Variants in NLGN3 observed in about 807,000 individuals in gnomAD.
NLGN3 encodes neuroligin 3, also known as neuroligin-3.
NLGN3 carries 11 observed loss-of-function variants against 42.9 expected under a neutral mutation model. That is an observed-to-expected ratio of 0.26 (90% CI 0.16 to 0.42). The LOEUF is 0.42. Ranked by LOEUF, NLGN3 falls within the 10% of genes least tolerant of loss-of-function variation. The probability of loss-of-function intolerance (pLI) is 1.00; values close to 1 mark genes in which losing one functional copy is unlikely to be tolerated. For missense variants in NLGN3, 374 were observed against 733.8 expected (o/e 0.51, Z 5.67); for synonymous variants, 279 against 312.7 (o/e 0.89, Z 1.14).
chrX:71,168,812 G>GAA (rs1436567439), intron 7 of NLGN3, among the ~76,000 whole-genome samples: 3 of 28,884 alleles, frequency 1.0e-4, no homozygotes, highest in African/African-American at 8.4e-4. Context: ...AAGAAAGAAA[G>GAA]AGAAAAAAAA....
At chrX:71,150,701 C>CAAAAAAAAAAAAAA (rs1174331159) in intron 3 of NLGN3, among the ~76,000 whole-genome samples, 2 of 29,145 alleles carry the variant, frequency 6.9e-5, no homozygotes, top group Non-Finnish European at 1.3e-4. Flanking sequence ...GACTCCATCT[C>CAAAAAAAAAAAAAA]AAAAAAAAAA....
rs2092470173 is a variant in NLGN3, at chrX:71,171,083, T to G, written c.*986T>G. 2 of 753,473 alleles carry G rather than the reference T, an allele frequency of 2.7e-6. No homozygotes were observed. Among genetic ancestry groups the G allele is most frequent in the Non-Finnish European group, 3.1e-6 (2 of 638,793 alleles). 62.1% of individuals were successfully genotyped at this position (753,473 alleles called of 1,213,427 possible). Reference sequence around the variant, plus strand: ...GTGTTTTTTGTTGTTGTTGGTTTTTTTTTTTTTTTAAAGAAAAGTTCTTAA... The same window carrying G: ...GTGTTTTTTGTTGTTGTTGGTTTTTGTTTTTTTTTAAAGAAAAGTTCTTAA... On this transcript the variant is annotated 3_prime_UTR_variant, in exon 8 of 8. Transcript: ENST00000358741.
At position 71,168,853 on chromosome X, in the gene NLGN3, GAAAGAAAGAAAGAAAGAGAAAGA is replaced by G. The variant is rs1342533875; in HGVS notation, c.1704-391_1704-369del. ...AGAAAGAAAGAAAGAAAGAAAGAAAGAAAGAAAGAAAGAAAGAGAAAGAAAAGAAAGAGAAAGAAAGAAAGAAA... is the reference window on the plus strand; with the variant it reads ...AGAAAGAAAGAAAGAAAGAAAGAAAGAAAGAAAGAGAAAGAAAGAAAGAAA... On this transcript the variant is annotated intron_variant, in intron 7 of 7. Transcript: ENST00000358741. 5.5e-4 allele frequency among the ~76,000 whole-genome samples: 47 copies of G among 85,100 alleles called. 1 individual carries two copies. Among genetic ancestry groups the G allele is most frequent in the African/African-American group, 3.0e-3 (47 of 15,718 alleles). The allele number at this position is 85,100 out of a possible 115,157, so 73.9% of individuals were successfully genotyped here. A position where few individuals can be genotyped will look rare whatever the true frequency, so the allele number is the denominator to read the frequency against.
intron 4 of NLGN3, among the ~76,000 whole-genome samples, 198 bp from the exon 5 acceptor site, chrX:71,155,016 A>G (rs931417947): frequency 1.8e-5 from 2 of 112,498 alleles, no homozygotes; most frequent in Non-Finnish European, 3.8e-5. Context: ...AGCCTTTAAA[A>G]ATATCACTGA....
downstream of NLGN3, chrX:71,171,594 G>A (rs2092471460): frequency 8.3e-6 from 5 of 605,273 alleles, no homozygotes; most frequent in Non-Finnish European, 9.9e-6. Flanking sequence ...CCTTGGACTG[G>A]GGGCTGGGAG....
chrX:71,155,511 C>G, intron 5 of NLGN3, 148 bp downstream of exon 5: 1 of 741,905 alleles, frequency 1.3e-6, no homozygotes, highest in Middle Eastern at 4.2e-4. Context: ...TGGCCCCTAC[C>G]CAAATGCTAG....
intron 3 of NLGN3, among the ~76,000 whole-genome samples, chrX:71,151,276 TCCAGCC>T (rs1199976866): frequency 1.9e-5 from 2 of 107,453 alleles, no homozygotes; most frequent in Non-Finnish European, 3.8e-5. Flanking sequence ...GCCATCGCAC[TCCAGCC>T]TGGGCAACAA....
chrX:71,169,955 A>G lies in NLGN3; in HGVS notation c.2405A>G (p.Asp802Gly). The G allele has an allele frequency of 8.3e-7, 1 of 1,207,415 alleles. No individual in the cohort carries two copies. Among genetic ancestry groups the G allele is most frequent in the Non-Finnish European group, 1.1e-6 (1 of 893,460 alleles). The change falls in exon 8 of 8, where the codon GAC (aspartate) becomes GGC (glycine). Residue 802 changes from aspartate to glycine, a missense_variant. Around this residue, in one of 6 missense-constraint regions of NLGN3, gnomAD observed 92 missense variants for 108.0 expected, o/e 0.85. Coordinates refer to ENST00000358741, the MANE Select transcript of NLGN3 (RefSeq NM_181303.2). ...CTGACCCTGCGGCGCTCCCCGGATGACATCCCACTCATGACCCCCAACACC... is the reference window on the plus strand; with the variant it reads ...CTGACCCTGCGGCGCTCCCCGGATGGCATCCCACTCATGACCCCCAACACC... Reference protein sequence around the residue: ...YTLTLRRSPDDIPLMTPNTIT... With the variant: ...YTLTLRRSPDGIPLMTPNTIT...
At chrX:71,152,960 C>A (rs1441770341) in intron 3 of NLGN3, among the ~76,000 whole-genome samples, 2 of 112,097 alleles carry the variant, frequency 1.8e-5, no homozygotes, top group Admixed American at 1.9e-4. Flanking sequence ...AGCCTGCCCA[C>A]TGGGCCCCAG....
Position 71,147,809 on chromosome X carries a change from G to A in NLGN3, c.60G>A (p.Arg20=). The A allele has an allele frequency of 8.3e-7, 1 of 1,210,475 alleles. No individual in the cohort carries two copies. Among genetic ancestry groups the A allele is most frequent in the South Asian group, 1.8e-5 (1 of 56,651 alleles). ...TGAGCCCCAAGCCCACGGTTGGCAG[G>A]AGCCTGTGCCTCACCCTGTGGTTCC... ...LSLSPKPTVG[R]SLCLTLWFLS... is the part of the protein sequence containing the mutation. The change falls in exon 2 of 8, where the codon AGG becomes AGA. Residue 20 remains arginine, a synonymous_variant. Transcript: ENST00000358741.
chrX:71,152,995 C>T (rs1258910325), intron 3 of NLGN3, among the ~76,000 whole-genome samples: 1 of 111,967 alleles, frequency 8.9e-6, no homozygotes, highest in East Asian at 2.8e-4. Flanking sequence ...GGTCCCTCTA[C>T]ACGTCTCTGC....
intron 4 of NLGN3, 113 bp downstream of exon 4, chrX:71,153,649 C>A: frequency 1.4e-6 from 1 of 729,231 alleles, no homozygotes; most frequent in Non-Finnish European, 2.1e-6. Context: ...TGTTTCTGTT[C>A]CTGTACAAGG....
At chrX:71,167,993 T>A (rs1458486515) in intron 7 of NLGN3, among the ~76,000 whole-genome samples, 193 bp downstream of exon 7, 1 of 110,778 alleles carries the variant, frequency 9.0e-6, no homozygotes, top group East Asian at 2.8e-4. Context: ...AAAAATGTTG[T>A]TGAGGCTTAG....
At chrX:71,171,336 G>A (rs1444184985), downstream of NLGN3, 10 of 100,077 alleles carry the variant, frequency 1.0e-4, no homozygotes, top group Admixed American at 4.1e-4. Context: ...ACTGTGCGGG[G>A]TTGGGGGTTG....
intron 2 of NLGN3, 108 bp from the exon 3 acceptor site, chrX:71,148,738 C>A: frequency 1.6e-6 from 1 of 623,234 alleles, no homozygotes; most frequent in Non-Finnish European, 2.4e-6. Context: ...GGCTCTCTGC[C>A]ATGTGCCGCC....
chrX:71,154,968 T>G (rs769871026), intron 4 of NLGN3, among the ~76,000 whole-genome samples: 1 of 112,720 alleles, frequency 8.9e-6, no homozygotes, highest in East Asian at 2.8e-4. Flanking sequence ...CTGTATCACA[T>G]GCCTGGCTGC....
At position 71,165,145 on chromosome X, in the gene NLGN3, CCT is replaced by C. The variant is rs760399779; in HGVS notation, c.913+818_913+819del. Among the ~76,000 whole-genome samples, 60 of 111,608 alleles carry C rather than the reference CCT, an allele frequency of 5.4e-4. 3 individuals carry two copies. Among genetic ancestry groups the C allele is most frequent in the Non-Finnish European group, 1.9e-4 (10 of 53,030 alleles). ...TTCTTTTTTAATTGAACACTAACCC[CCT>C]GAGTTAGGGACATTCTCACAGGAAG... On this transcript the variant is annotated intron_variant, in intron 6 of 7. Transcript: ENST00000358741.
downstream of NLGN3, among the ~76,000 whole-genome samples, chrX:71,171,405 G>A (rs1449870058): frequency 9.1e-6 from 1 of 109,560 alleles, no homozygotes; most frequent in African/African-American, 3.3e-5. Context: ...TCTTAATCAG[G>A]TTGCTCTTCC....
intron 7 of NLGN3, among the ~76,000 whole-genome samples, chrX:71,168,753 GAA>G (rs2092455777): frequency 1.2e-5 from 1 of 85,770 alleles, no homozygotes; most frequent in African/African-American, 4.2e-5. Context: ...AAGAGAGAAA[GAA>G]AGAGAGAGAG....
Sources: gnomAD v4.1 joint callset for allele counts (sites outside exome capture counted in the v4.1 genomes callset) on GRCh38, gnomAD v4.1.1 for gene constraint, gnomAD v4.1.1 regional missense constraint, MANE v1.5 for transcripts, NCBI Gene and HGNC (gene_info 2026-07-23, HGNC 2026-07-21) for gene names.